Variants in LRRC40 observed in about 807,000 individuals in gnomAD.
LRRC40 encodes the protein leucine-rich repeat-containing protein 40.
LRRC40 carries 76 observed loss-of-function variants against 72.8 expected under a neutral mutation model. The observed-to-expected ratio is 1.04, with a 90% confidence interval of 0.87 to 1.26. LRRC40 has a LOEUF of 1.26. Among genes scored for constraint, LRRC40 ranks in the 50% most tolerant of loss-of-function variants. The pLI is 0.00. For synonymous variants in LRRC40, 243 were observed against 254.2 expected, an observed-to-expected ratio of 0.96 and a Z score of 0.42; for missense variants, 684 against 698.9, an observed-to-expected ratio of 0.98 and a Z score of 0.24.
chr1:70,162,139 CT>C (rs1667778201), intron 9 of LRRC40, among the ~76,000 whole-genome samples: 1 of 151,978 alleles, frequency 6.6e-6, no homozygotes, highest in Non-Finnish European at 1.5e-5. Flanking sequence ...TCCTGTATTA[CT>C]CTTAAAATGA....
intron 9 of LRRC40, 43 bp downstream of exon 9, chr1:70,173,421 CT>C (rs754956876): frequency 5.0e-6 from 7 of 1,412,306 alleles, no homozygotes; most frequent in Non-Finnish European, 7.0e-6. Context: ...TTCTTCACCA[CT>C]TTTTATGAAT....
At position 70,184,755 on chromosome 1, in the gene LRRC40, T is replaced by C. The variant is rs200791482; in HGVS notation, c.537+30A>G. 248 of 1,576,646 alleles carry C rather than the reference T, an allele frequency of 1.6e-4. No homozygotes were observed. In the African/African-American group the frequency reaches 2.9e-3, roughly 18 times the overall value. ...GATGAAAAATCCCACCAGCCCCAAA[T>C]TGTACAAAAATTGGAAAATCAGAAC... On this transcript the variant is annotated intron_variant, in intron 4 of 14. Transcript: ENST00000370952.
intron 1 of LRRC40, among the ~76,000 whole-genome samples, chr1:70,203,866 CAGACAGAG>C (rs1371512479): frequency 4.0e-5 from 6 of 149,818 alleles, no homozygotes; most frequent in African/African-American, 1.2e-4. Context: ...TACATACAGC[CAGACAGAG>C]AAAGACTTTC....
intron 3 of LRRC40, among the ~76,000 whole-genome samples, chr1:70,186,618 T>C (rs1668364178): frequency 6.6e-6 from 1 of 152,142 alleles, no homozygotes; most frequent in African/African-American, 2.4e-5. Flanking sequence ...TCCTGAACCA[T>C]TTTTTTCTAC....
intron 2 of LRRC40, 151 bp downstream of exon 2, chr1:70,188,941 A>C: frequency 1.7e-6 from 1 of 584,966 alleles, no homozygotes; most frequent in Non-Finnish European, 2.8e-6. Flanking sequence ...CTGATCCTGC[A>C]CTTTTAACCA....
intron 1 of LRRC40, among the ~76,000 whole-genome samples, chr1:70,193,156 G>A (rs1668537189): frequency 6.6e-6 from 1 of 151,364 alleles, no homozygotes; most frequent in South Asian, 2.1e-4. Flanking sequence ...GGAAATAAAA[G>A]GTGGAAATCA....
chr1:70,169,162 A>C (rs898564696), intron 9 of LRRC40, among the ~76,000 whole-genome samples: 3 of 152,134 alleles, frequency 2.0e-5, no homozygotes, highest in African/African-American at 7.2e-5. Context: ...CTGTTCCCAA[A>C]TACCTCGCTC....
chr1:70,161,616 T>C (rs903801607), intron 9 of LRRC40, among the ~76,000 whole-genome samples: 2 of 151,440 alleles, frequency 1.3e-5, no homozygotes, highest in Non-Finnish European at 2.9e-5. Flanking sequence ...TTGGAGGGCA[T>C]GATGGGTGAT....
intron 10 of LRRC40, among the ~76,000 whole-genome samples, chr1:70,157,386 A>G (rs1008753048): frequency 6.6e-6 from 1 of 152,242 alleles, no homozygotes; most frequent in Admixed American, 6.5e-5. Context: ...TATATTTTAA[A>G]TAAGACACTC....
At chr1:70,196,379 G>A (rs1457587072) in intron 1 of LRRC40, among the ~76,000 whole-genome samples, 4 of 151,966 alleles carry the variant, frequency 2.6e-5, no homozygotes, top group Admixed American at 1.3e-4. Context: ...GCAAGACTTC[G>A]TCTCTATTAA....
In LRRC40 at chr1:70,179,025, A is replaced by G. The variant is rs547982510; in HGVS notation, c.662-32T>C. ...TATATATTCAGTAAAAAACAAAAAT[A>G]GAGAAAAAAAAATTAGTTTCTGATC... On this transcript the variant is annotated intron_variant, in intron 5 of 14. Coordinates refer to ENST00000370952, the MANE Select transcript of LRRC40 (RefSeq NM_017768.5). The G allele has an allele frequency of 7.9e-6, 11 of 1,389,660 alleles. No individual in the cohort carries two copies. In the East Asian group the frequency reaches 2.2e-4, roughly 27 times the overall value. The allele number at this position is 1,389,660 out of a possible 1,614,324, so 86.1% of individuals were successfully genotyped here.
chr1:70,152,794 T>TA (rs1667537568), intron 11 of LRRC40, among the ~76,000 whole-genome samples: 1 of 152,158 alleles, frequency 6.6e-6, no homozygotes, highest in Admixed American at 6.5e-5. Flanking sequence ...AAGTTTCACT[T>TA]AAAAAACTAT....
chr1:70,159,867 T>C (rs1473518422), intron 9 of LRRC40, among the ~76,000 whole-genome samples: 1 of 152,188 alleles, frequency 6.6e-6, no homozygotes, highest in African/African-American at 2.4e-5. Context: ...GACAACAAAA[T>C]TGATTATCCT....
chr1:70,173,649 CA>C lies in LRRC40; in HGVS notation c.1037del (p.Leu346Ter). On this transcript the variant is annotated frameshift_variant, in exon 8 of 15. Coordinates refer to ENST00000370952, the MANE Select transcript of LRRC40 (RefSeq NM_017768.5). LOFTEE classifies it high-confidence loss of function. Reference sequence around the variant, plus strand: ...TTATAATTTCTCTTCGAATTGTTCTCAAAGGATTTCCTTCTAATGCCAAAAA... The same window carrying C: ...TTATAATTTCTCTTCGAATTGTTCTCAAGGATTTCCTTCTAATGCCAAAAA... Reference protein sequence around the residue: ...LKFLALEGNPLRTIRREIISK... With the variant: ...LKFLALEGNPXRTIRREIISK... 1 of 1,574,626 alleles carries C rather than the reference CA, an allele frequency of 6.4e-7. No individual in the cohort carries two copies. Among genetic ancestry groups the C allele is most frequent in the African/African-American group, 1.4e-5 (1 of 73,898 alleles).
rs1447043070 is a variant in LRRC40 at position 70,163,138 on chromosome 1, C to T, written c.1112-3700G>A. On this transcript the variant is annotated intron_variant, in intron 9 of 14. Transcript: ENST00000370952. ...GTTGCCAGGCTGGAGTGCAGTGGCACCATCTTGGCTCACTGCAACCTCCGA... is the reference window on the plus strand; with the variant it reads ...GTTGCCAGGCTGGAGTGCAGTGGCATCATCTTGGCTCACTGCAACCTCCGA... Among the ~76,000 whole-genome samples the T allele has an allele frequency of 2.0e-5, 3 of 150,972 alleles. No homozygotes were observed. In the East Asian group the frequency reaches 5.9e-4, roughly 29 times the overall value.
intron 4 of LRRC40, among the ~76,000 whole-genome samples, chr1:70,182,466 C>CA (rs1668267614): frequency 8.6e-5 from 13 of 151,926 alleles, no homozygotes; most frequent in Admixed American, 8.5e-4. Flanking sequence ...AACTCTTTTA[C>CA]TATATTTGCT....
At chr1:70,180,407 A>G (rs1291375443) in intron 5 of LRRC40, 2 of 152,252 alleles carry the variant, frequency 1.3e-5, no homozygotes, top group African/African-American at 2.4e-5. Context: ...CACCTGGGTA[A>G]CTGGGACTAC....
At chr1:70,159,578 A>G (rs953432534) in intron 9 of LRRC40, 140 bp from the exon 10 acceptor site, 2 of 429,062 alleles carry the variant, frequency 4.7e-6, no homozygotes, top group Non-Finnish European at 8.5e-6. Flanking sequence ...TTTATTTCCA[A>G]TGACTCAAAT....
At chr1:70,199,865 T>C (rs1319980058) in intron 1 of LRRC40, among the ~76,000 whole-genome samples, 8 of 152,134 alleles carry the variant, frequency 5.3e-5, no homozygotes. Flanking sequence ...GGGTCAACTG[T>C]ATACCTAAAC....
Sources: gnomAD v4.1 joint callset for allele counts (sites outside exome capture counted in the v4.1 genomes callset) on GRCh38, gnomAD v4.1.1 for gene constraint, MANE v1.5 for transcripts, NCBI Gene and HGNC (gene_info 2026-07-23, HGNC 2026-07-21) for gene names.